The following ELMOD1 variants were observed in gnomAD, a reference collection of about 807,000 sequenced individuals.
ELMOD1 encodes ELMO domain-containing protein 1.
A neutral mutation model predicts 46.7 loss-of-function variants in ELMOD1; 21 were observed. The ratio of observed to expected loss-of-function variants is 0.45; its 90% CI spans 0.32 to 0.65. The LOEUF is 0.65. Ranked by LOEUF, ELMOD1 falls within the 30% of genes least tolerant of loss-of-function variation. The pLI, the probability that ELMOD1 is intolerant of heterozygous loss-of-function variation, is 0.04. For synonymous variants in ELMOD1, 122 were observed against 138.2 expected (o/e 0.88, Z 0.82); for missense variants, 348 against 407.8 (o/e 0.85, Z 1.26).
chr11:107,650,775 C>T, intron 8 of ELMOD1, 110 bp from the exon 9 acceptor site: 1 of 755,920 alleles, frequency 1.3e-6, no homozygotes, highest in South Asian at 2.0e-5. Flanking sequence ...CAAGTGAGAA[C>T]ATCTGGAATT....
chr11:107,661,797 A>T (rs576693548), intron 11 of ELMOD1, among the ~76,000 whole-genome samples: 1 of 152,310 alleles, frequency 6.6e-6, no homozygotes, highest in East Asian at 1.9e-4. Context: ...GAGGATCTGC[A>T]TTTTTTAACA....
intron 10 of ELMOD1, 88 bp from the exon 11 acceptor site, chr11:107,655,839 GTGGCAC>G (rs1301873243): frequency 7.5e-7 from 1 of 1,327,672 alleles, no homozygotes; most frequent in Non-Finnish European, 1.0e-6. Flanking sequence ...GTACACTGTC[GTGGCAC>G]TGGTAGGAGT....
intron 1 of ELMOD1, among the ~76,000 whole-genome samples, chr11:107,598,960 A>G (rs977369122): frequency 5.0e-4 from 76 of 152,196 alleles, no homozygotes; most frequent in African/African-American, 1.8e-3. Flanking sequence ...CGTGGGACCT[A>G]TTGAGCACAC....
At chr11:107,605,464 G>A (rs1045421140) in intron 1 of ELMOD1, among the ~76,000 whole-genome samples, 2 of 152,186 alleles carry the variant, frequency 1.3e-5, no homozygotes, top group Non-Finnish European at 2.9e-5. Flanking sequence ...GCCTTCAAAA[G>A]TGCTGGGATT....
At chr11:107,624,807 T>C (rs1866013580) in intron 2 of ELMOD1, among the ~76,000 whole-genome samples, 1 of 152,182 alleles carries the variant, frequency 6.6e-6, no homozygotes, top group Admixed American at 6.5e-5. Flanking sequence ...TCTCTAAGCC[T>C]TCAGATACAA....
chr11:107,633,264 A>C (rs2135691185), intron 5 of ELMOD1, among the ~76,000 whole-genome samples: 1 of 152,280 alleles, frequency 6.6e-6, no homozygotes, highest in African/African-American at 2.4e-5. Context: ...CTCTGATATA[A>C]AAAAATTAAG....
intron 11 of ELMOD1, among the ~76,000 whole-genome samples, chr11:107,663,871 G>A (rs1298135753): frequency 1.3e-5 from 2 of 152,122 alleles, no homozygotes; most frequent in African/African-American, 2.4e-5. Flanking sequence ...TATGCATGCA[G>A]GTGGAAAAGC....
intron 1 of ELMOD1, among the ~76,000 whole-genome samples, chr11:107,595,394 A>G (rs1865476084): frequency 1.3e-5 from 2 of 152,154 alleles, no homozygotes; most frequent in Non-Finnish European, 1.5e-5. Flanking sequence ...ATGTTTGCCA[A>G]ACACATTCTG....
chr11:107,628,086 C>CT (rs200367659), intron 2 of ELMOD1, among the ~76,000 whole-genome samples: 5,579 of 143,152 alleles, frequency 0.039, 112 homozygotes, highest in Non-Finnish European at 0.048. Context: ...ATTGCTCAAT[C>CT]TTTTTTTTTT....
intron 9 of ELMOD1, chr11:107,653,944 G>A (rs1565390061): frequency 2.0e-6 from 1 of 509,572 alleles, no homozygotes; most frequent in South Asian, 3.2e-5. Context: ...TGGCCTTTAG[G>A]GCTGTCTCCC....
chr11:107,650,727 G>C (rs1866511628), intron 8 of ELMOD1, among the ~76,000 whole-genome samples, 158 bp from the exon 9 acceptor site: 1 of 152,098 alleles, frequency 6.6e-6, no homozygotes. Context: ...AGATGATGGG[G>C]GAACAGAAGG....
chr11:107,619,038 T>C (rs573598311), intron 2 of ELMOD1, among the ~76,000 whole-genome samples: 42 of 152,322 alleles, frequency 2.8e-4, no homozygotes, highest in Admixed American at 5.2e-4. Flanking sequence ...CTGTTTTCTC[T>C]AAGCAAATTA....
At position 107,598,053 on chromosome 11, in the gene ELMOD1, A is replaced by G. The variant is rs539205780; in HGVS notation, c.-86+6644A>G. Among the ~76,000 whole-genome samples, 208 of 152,318 alleles carry G rather than the reference A, an allele frequency of 1.4e-3. 2 individuals carry two copies. The highest frequency in any genetic ancestry group is 0.013 in the South Asian group (63 of 4,832). ...TTTTGACTTTTCAAAGTATTTGTTT[A>G]TAGCATACAGTGGACAACTGTCATT... is the stretch of plus-strand genomic sequence containing the variant. On this transcript the variant is annotated intron_variant, in intron 1 of 11. Coordinates refer to ENST00000265840, the MANE Select transcript of ELMOD1 (RefSeq NM_018712.4).
intron 1 of ELMOD1, among the ~76,000 whole-genome samples, chr11:107,610,213 T>C (rs1362479991): frequency 6.6e-6 from 1 of 152,122 alleles, no homozygotes; most frequent in Admixed American, 6.6e-5. Flanking sequence ...GAAAAACACC[T>C]CTAGAGAGGA....
At position 107,655,997 on chromosome 11, in the gene ELMOD1, G is replaced by T. The variant is rs761744629; in HGVS notation, c.763G>T (p.Ala255Ser). The change falls in exon 11 of 12, where the codon GCT (alanine) becomes TCT (serine). Residue 255 changes from alanine to serine, a missense_variant. Physicochemically the swap from Ala to Ser is moderately conservative, Grantham distance 99. Transcript: ENST00000265840. The part of the protein sequence containing the change: ...DLAYNLLVSG[A>S]LKTHFYNIAP... ...GGCATATAATCTACTGGTCAGCGGAGCTCTAAAAACCCATTTCTACAATAT... is the reference window on the plus strand; with the variant it reads ...GGCATATAATCTACTGGTCAGCGGATCTCTAAAAACCCATTTCTACAATAT... 4 of 1,584,230 alleles carry T rather than the reference G, an allele frequency of 2.5e-6. No homozygotes were observed. The African/African-American group carries it at 4.0e-5, about 16-fold the overall frequency.
chr11:107,639,203 T>G (rs546374005), intron 6 of ELMOD1, among the ~76,000 whole-genome samples: 1 of 152,176 alleles, frequency 6.6e-6, no homozygotes, highest in Non-Finnish European at 1.5e-5. Flanking sequence ...GCGTGTTTGC[T>G]GATCCCTAGT....
intron 1 of ELMOD1, chr11:107,592,638 A>T (rs1461487115): frequency 1.5e-5 from 4 of 271,358 alleles, no homozygotes; most frequent in South Asian, 3.8e-5. Flanking sequence ...CCAAAGGCAC[A>T]CTCTTGTATC....
chr11:107,659,923 C>T (rs1044985232), intron 11 of ELMOD1, among the ~76,000 whole-genome samples: 3 of 152,010 alleles, frequency 2.0e-5, no homozygotes, highest in East Asian at 1.9e-4. Flanking sequence ...TTAGTCTTGG[C>T]CTGGATTGAT....
At chr11:107,639,794 G>A (rs897020539) in intron 6 of ELMOD1, among the ~76,000 whole-genome samples, 8 of 152,074 alleles carry the variant, frequency 5.3e-5, no homozygotes, top group Admixed American at 1.3e-4. Context: ...CTTCGCAGGT[G>A]GCTTTGTAGT....
Sources: allele counts gnomAD v4.1 joint callset (sites outside exome capture counted in the v4.1 genomes callset), GRCh38; gene constraint gnomAD v4.1.1; transcripts MANE v1.5; gene names NCBI Gene and HGNC (gene_info 2026-07-23, HGNC 2026-07-21).